IRAG1: variants seen among roughly 807,000 people sequenced by gnomAD.
IRAG1 encodes the protein inositol 1,4,5-triphosphate receptor associated 1.
In IRAG1, 62 loss-of-function variants were observed where a neutral mutation model predicts 106.2. That is an observed-to-expected ratio of 0.58 (90% CI 0.48 to 0.72). IRAG1 has a LOEUF of 0.72. Among genes scored for constraint, IRAG1 ranks in the 30% least tolerant of loss-of-function variants. The pLI is 0.00. For missense variants in IRAG1, 1,064 were observed against 1,140.7 expected (o/e 0.93, Z 0.97); for synonymous variants, 462 against 443.9 (o/e 1.04, Z -0.51).
chr11:10,636,521 T>C (rs1429837396), intron 2 of IRAG1, among the ~76,000 whole-genome samples: 1 of 152,248 alleles, frequency 6.6e-6, no homozygotes, highest in Non-Finnish European at 1.5e-5. Context: ...ATATGATTAA[T>C]GTTTTAAATA....
At chr11:10,580,862 T>A (rs148044923) in intron 19 of IRAG1, among the ~76,000 whole-genome samples, 347 of 152,314 alleles carry the variant, frequency 2.3e-3, no homozygotes, top group African/African-American at 8.0e-3. Flanking sequence ...CCTGACTGGG[T>A]TCTTAACCCA....
intron 1 of IRAG1, 179 bp from the exon 2 acceptor site, chr11:10,652,361 T>C (rs1858597604): frequency 7.0e-7 from 1 of 1,432,744 alleles, no homozygotes; most frequent in African/African-American, 1.4e-5. Flanking sequence ...TCTGGCTTTG[T>C]TTACAAAGTC....
chr11:10,693,280 T>C (rs537060637), intron 1 of IRAG1, among the ~76,000 whole-genome samples: 11 of 152,336 alleles, frequency 7.2e-5, no homozygotes, highest in Middle Eastern at 3.4e-3. Context: ...CACCCTGAGC[T>C]GTGCACACTT....
At chr11:10,610,464 C>T (rs921542462) in intron 10 of IRAG1, among the ~76,000 whole-genome samples, 1 of 152,168 alleles carries the variant, frequency 6.6e-6, no homozygotes, top group South Asian at 2.1e-4. Flanking sequence ...TGGGTCTGTG[C>T]TTTGAAGACA....
At chr11:10,676,850 G>A (rs896364586) in intron 1 of IRAG1, among the ~76,000 whole-genome samples, 4 of 152,218 alleles carry the variant, frequency 2.6e-5, no homozygotes, top group Non-Finnish European at 5.9e-5. Flanking sequence ...AGCTCAATAT[G>A]TTTGGAGGTT....
intron 2 of IRAG1, among the ~76,000 whole-genome samples, chr11:10,643,355 G>A (rs1005700462): frequency 2.6e-5 from 4 of 152,022 alleles, no homozygotes; most frequent in Admixed American, 6.5e-5. Context: ...AAGGCTCCCC[G>A]GTGTCTTCCC....
At chr11:10,602,981 AC>A in intron 14 of IRAG1, 138 bp downstream of exon 14, 1 of 959,094 alleles carries the variant, frequency 1.0e-6, no homozygotes, top group Non-Finnish European at 1.5e-6. Flanking sequence ...TCTGAATAAT[AC>A]TGCAATGATG....
intron 2 of IRAG1, among the ~76,000 whole-genome samples, chr11:10,649,574 A>C (rs964814716): frequency 2.0e-5 from 3 of 152,202 alleles, no homozygotes; most frequent in South Asian, 2.1e-4. Flanking sequence ...CACAGTTTAC[A>C]TTCTTAAATC....
chr11:10,586,985 T>C (rs531312555), intron 18 of IRAG1, among the ~76,000 whole-genome samples: 8 of 152,286 alleles, frequency 5.3e-5, no homozygotes, highest in African/African-American at 1.9e-4. Context: ...AACCCAGTGT[T>C]TGGGTTGGAC....
chr11:10,675,480 G>A (rs1483759606), intron 1 of IRAG1, among the ~76,000 whole-genome samples: 2 of 152,198 alleles, frequency 1.3e-5, no homozygotes, highest in Non-Finnish European at 2.9e-5. Flanking sequence ...GAAGTGGCCT[G>A]GGTGGCTCTC....
chr11:10,594,376 G>A lies in IRAG1; in HGVS notation c.2018-181C>T, dbSNP rs116506633. 963 of 573,566 alleles carry A rather than the reference G, an allele frequency of 1.7e-3. 7 individuals carry two copies. Among genetic ancestry groups the A allele is most frequent in the African/African-American group, 0.016 (872 of 53,518 alleles). 35.5% of individuals were successfully genotyped at this position (573,566 alleles called of 1,614,324 possible). ...ATCCTTTGAGATGGGGCTGCAGAGT[G>A]GGGGCTTTTTTTGGACAAAACCTTT... On this transcript the variant is annotated intron_variant, in intron 15 of 20. Coordinates refer to ENST00000423302, the MANE Select transcript of IRAG1 (RefSeq NM_130385.4).
chr11:10,636,693 G>C (rs1001242024), intron 2 of IRAG1, among the ~76,000 whole-genome samples: 6 of 152,182 alleles, frequency 3.9e-5, no homozygotes, highest in African/African-American at 1.2e-4. Flanking sequence ...AGGAAACAAG[G>C]GATGGACCAC....
In IRAG1 at chr11:10,676,938, C is replaced by T. The variant is rs184747896; in HGVS notation, c.67+16598G>A. Among the ~76,000 whole-genome samples the T allele has an allele frequency of 9.7e-4, 148 of 152,346 alleles. 1 individual carries two copies. The highest frequency in any genetic ancestry group is 4.0e-3 in the Admixed American group (61 of 15,308). On this transcript the variant is annotated intron_variant, in intron 1 of 20. Transcript: ENST00000423302. ...AGAGACGATGCCACAGCTCATCTCCCTGTCCTCAGTCTCTCGTTCTTCAGT... is the reference window on the plus strand; with the variant it reads ...AGAGACGATGCCACAGCTCATCTCCTTGTCCTCAGTCTCTCGTTCTTCAGT...
At chr11:10,690,444 AGAGAAG>A in intron 1 of IRAG1, 1 of 1,273,262 alleles carries the variant, frequency 7.9e-7, no homozygotes, top group Non-Finnish European at 1.0e-6. Flanking sequence ...AAGCCCTTGC[AGAGAAG>A]GCAGGGCTTG....
chr11:10,638,520 T>C (rs11603178), intron 2 of IRAG1, among the ~76,000 whole-genome samples: 3 of 152,080 alleles, frequency 2.0e-5, no homozygotes, highest in Non-Finnish European at 2.9e-5. Context: ...ACTGTGCTTA[T>C]AGCATGCGCG....
intron 18 of IRAG1, among the ~76,000 whole-genome samples, chr11:10,589,664 C>G (rs187392889): frequency 6.6e-6 from 1 of 152,188 alleles, no homozygotes; most frequent in Admixed American, 6.5e-5. Flanking sequence ...TAAAGATGCC[C>G]TCACCTCTTT....
chr11:10,684,657 G>A (rs958026938), intron 1 of IRAG1, among the ~76,000 whole-genome samples: 4 of 149,158 alleles, frequency 2.7e-5, no homozygotes, highest in African/African-American at 7.5e-5. Flanking sequence ...AAAGAGAAAA[G>A]GCTGGCAAGT....
intron 1 of IRAG1, among the ~76,000 whole-genome samples, chr11:10,664,673 C>T (rs1251772526): frequency 1.3e-5 from 2 of 152,222 alleles, no homozygotes; most frequent in African/African-American, 2.4e-5. Flanking sequence ...GCAGCCATCA[C>T]ATCCCCCTGA....
intron 10 of IRAG1, among the ~76,000 whole-genome samples, chr11:10,622,167 A>C (rs1033080131): frequency 6.6e-6 from 1 of 152,214 alleles, no homozygotes; most frequent in African/African-American, 2.4e-5. Flanking sequence ...GGAGTACTAT[A>C]TAGAGTAAAA....
Sources: allele counts gnomAD v4.1 joint callset (sites outside exome capture counted in the v4.1 genomes callset), GRCh38; gene constraint gnomAD v4.1.1; transcripts MANE v1.5; gene names NCBI Gene and HGNC (gene_info 2026-07-23, HGNC 2026-07-21).